Variants in PARP14 observed in about 807,000 individuals in gnomAD.
PARP14 encodes the protein protein mono-ADP-ribosyltransferase PARP14.
PARP14 carries 59 observed loss-of-function variants against 154.2 expected under a neutral mutation model. The ratio of observed to expected loss-of-function variants is 0.38; its 90% CI spans 0.31 to 0.48. PARP14 has a LOEUF of 0.48. Among genes scored for constraint, PARP14 ranks in the 20% least tolerant of loss-of-function variants. PARP14 has a pLI of 0.98. For synonymous variants in PARP14, 720 were observed against 780.5 expected (o/e 0.92, Z 1.29); for missense variants, 1,734 against 2,131.6 (o/e 0.81, Z 3.67).
intron 3 of PARP14, 88 bp from the exon 4 acceptor site, chr3:122,692,213 G>C (rs976086840): frequency 2.0e-5 from 21 of 1,072,458 alleles, no homozygotes; most frequent in Non-Finnish European, 2.5e-5. Context: ...GGCAAGGAGA[G>C]AGGGCAGTGC....
rs1182517666 is a variant in PARP14 at position 122,692,296 on chromosome 3, A to C, written c.356-5A>C. ...CTTGTACCTCTTTTGTCTTCCTAAA[A>C]TCAGATGTGTCAGAAGAATTGGATA... On this transcript the variant is annotated splice_region_variant and splice_polypyrimidine_tract_variant and intron_variant, in intron 3 of 16. Coordinates refer to ENST00000474629, the MANE Select transcript of PARP14 (RefSeq NM_017554.3). 6.2e-7 allele frequency: 1 copy of C among 1,608,908 alleles called. No individual in the cohort carries two copies. The highest frequency in any genetic ancestry group is 2.2e-5 in the East Asian group (1 of 44,760).
At position 122,700,016 on chromosome 3, in the gene PARP14, G is replaced by T. The variant is rs16833413; in HGVS notation, c.1462G>T (p.Asp488Tyr). ...TCTTTTGTGTCACAGCAGTCTACTG[G>T]ACCATTTACTCACGGAGTGCCCAGA... ...YFLLCHSSLL[D>Y]HLLTECPEIE... Residue 488 changes from aspartate (D) to tyrosine (Y), a missense_variant, in exon 6 of 17, where the codon GAC becomes TAC. Physicochemically the swap from Asp to Tyr is radical, Grantham distance 160. This residue lies in a region of PARP14 where 1,646 missense variants were observed against 1,976.0 expected (regional missense o/e 0.83). Coordinates refer to ENST00000474629, the MANE Select transcript of PARP14 (RefSeq NM_017554.3). The T allele has an allele frequency of 6.2e-7, 1 of 1,613,868 alleles. No homozygotes were observed. The highest frequency in any genetic ancestry group is 1.7e-5 in the Admixed American group (1 of 60,010).
At chr3:122,693,114 A>G (rs891013349) in intron 4 of PARP14, among the ~76,000 whole-genome samples, 1 of 152,072 alleles carries the variant, frequency 6.6e-6, no homozygotes, top group African/African-American at 2.4e-5. Context: ...GCATGGATGA[A>G]CTGGGTTTGA....
At chr3:122,722,003 C>T (rs1933177098) in intron 15 of PARP14, 2 of 152,106 alleles carry the variant, frequency 1.3e-5, no homozygotes, top group South Asian at 2.1e-4. Context: ...CCAATTTGTC[C>T]CTGAGCTTCC....
intron 9 of PARP14, among the ~76,000 whole-genome samples, chr3:122,711,548 T>C (rs1469197921): frequency 1.3e-5 from 2 of 152,146 alleles, no homozygotes; most frequent in African/African-American, 4.8e-5. Context: ...CTGTAGTTTT[T>C]TTTTGTTGTA....
chr3:122,709,022 G>T (rs1939242002), intron 9 of PARP14, among the ~76,000 whole-genome samples: 1 of 151,984 alleles, frequency 6.6e-6, no homozygotes. Flanking sequence ...ATTCTTTAAA[G>T]TTTGAACTTT....
chr3:122,703,642 G>A (rs907790673), intron 6 of PARP14, 100 bp from the exon 7 acceptor site: 2 of 648,788 alleles, frequency 3.1e-6, no homozygotes, highest in Non-Finnish European at 5.4e-6. Flanking sequence ...AGTCATCTTA[G>A]TTGTCTCCAA....
chr3:122,720,449 T>C, intron 15 of PARP14, 61 bp downstream of exon 15: 1 of 1,509,654 alleles, frequency 6.6e-7, no homozygotes, highest in Non-Finnish European at 9.1e-7. Context: ...CATGGTCCTA[T>C]ATAAAATCCA....
chr3:122,692,318 G>A lies in PARP14; in HGVS notation c.373G>A (p.Asp125Asn). 1 of 1,611,642 alleles carries A rather than the reference G, an allele frequency of 6.2e-7. No individual in the cohort carries two copies. The highest frequency in any genetic ancestry group is 8.5e-7 in the Non-Finnish European group (1 of 1,178,046). Residue 125 changes from aspartate to asparagine, a missense_variant, in exon 4 of 17, where the codon GAT (aspartate) becomes AAT (asparagine). Coordinates refer to ENST00000474629, the MANE Select transcript of PARP14 (RefSeq NM_017554.3). ...VKEPDVSEEL[D>N]TKLPLDGGLD... ...AAAATCAGATGTGTCAGAAGAATTG[G>A]ATACAAAACTCCCTCTTGATGGTGG... is the stretch of plus-strand genomic sequence containing the variant.
chr3:122,692,529 T>G lies in PARP14; in HGVS notation c.584T>G (p.Phe195Cys), dbSNP rs749282866. The part of the protein sequence containing the change: ...IRDFDVAVVT[F>C]QKHIDTIRFV... ...GATTTTGATGTTGCTGTTGTTACCT[T>G]TCAAAAGCACATAGGTAAGATGAAG... Residue 195 changes from phenylalanine to cysteine, a missense_variant, in exon 4 of 17, where the codon TTT becomes TGT. By Grantham distance (205) the Phe-to-Cys change is radical. Around this residue, in one of 2 missense-constraint regions of PARP14, gnomAD observed 1,646 missense variants for 1,976.0 expected, o/e 0.83. Transcript: ENST00000474629. 1.4e-5 allele frequency: 22 copies of G among 1,610,316 alleles called. No individual in the cohort carries two copies. The highest frequency in any genetic ancestry group is 1.9e-5 in the Non-Finnish European group (22 of 1,177,038).
intron 15 of PARP14, among the ~76,000 whole-genome samples, chr3:122,724,684 G>A (rs1933245591): frequency 6.6e-6 from 1 of 150,810 alleles, no homozygotes; most frequent in South Asian, 2.1e-4. Context: ...ATCATTCTTG[G>A]GTGTTTCTTG....
chr3:122,686,883 C>T (rs371553767), intron 2 of PARP14, 197 bp from the exon 3 acceptor site: 8 of 522,798 alleles, frequency 1.5e-5, no homozygotes, highest in East Asian at 1.2e-4. Context: ...TGTGTCTCAT[C>T]TTCATTGGTG....
intron 15 of PARP14, among the ~76,000 whole-genome samples, chr3:122,724,402 A>G (rs1260424434): frequency 6.6e-6 from 1 of 151,142 alleles, no homozygotes; most frequent in African/African-American, 2.4e-5. Flanking sequence ...GGGCTCAAGC[A>G]ATCCTCCCCA....
chr3:122,686,865 C>A lies in PARP14; in HGVS notation c.322-215C>A. ...AAATGCTTGGTGTTAATTGAGGTTT[C>A]TGTTATTTGTGTCTCATCTTCATTG... On this transcript the variant is annotated intron_variant, in intron 2 of 16. Transcript: ENST00000474629. The A allele has an allele frequency of 7.9e-6, 4 of 508,834 alleles. No homozygotes were observed. The East Asian group carries it at 1.3e-4, about 16-fold the overall frequency. The allele number at this position is 508,834 out of a possible 1,614,324, so 31.5% of individuals were successfully genotyped here.
In PARP14 at chr3:122,727,919, G is replaced by A; in HGVS notation, c.5049G>A (p.Gly1683=). 2 of 1,613,908 alleles carry A rather than the reference G, an allele frequency of 1.2e-6. No homozygotes were observed. The highest frequency in any genetic ancestry group is 1.7e-6 in the Non-Finnish European group (2 of 1,179,788). The change falls in exon 16 of 17, where the codon GGG becomes GGA. Residue 1683 remains glycine, a synonymous_variant. Coordinates refer to ENST00000474629, the MANE Select transcript of PARP14 (RefSeq NM_017554.3). ...QTMNEKQLFH[G]TDAGSVPHVN... ...TGAATGAGAAGCAACTCTTCCATGG[G>A]ACAGATGCCGGCTCCGTGCCACACG...
At position 122,729,371 on chromosome 3, in the gene PARP14, T is replaced by C. The variant is rs1933364315; in HGVS notation, c.*774T>C. 1 of 152,450 alleles carries C rather than the reference T, an allele frequency of 6.6e-6. No individual in the cohort carries two copies. The highest frequency in any genetic ancestry group is 1.5e-5 in the Non-Finnish European group (1 of 68,536). The allele number at this position is 152,450 out of a possible 1,614,324, so 9.4% of individuals were successfully genotyped here. On this transcript the variant is annotated 3_prime_UTR_variant, in exon 17 of 17. Transcript: ENST00000474629. ...GGGAATCCTGCCTGCCCCATGGAGT[T>C]GCGCAGCACAACCCTGGCTCCAATT...
chr3:122,703,922 T>G lies in PARP14; in HGVS notation c.3262T>G (p.Tyr1088Asp), dbSNP rs776895236. The change falls in exon 7 of 17, where the codon TAT becomes GAT. Residue 1088 changes from tyrosine (Y) to aspartate (D), a missense_variant. Around this residue, in one of 2 missense-constraint regions of PARP14, gnomAD observed 1,646 missense variants for 1,976.0 expected, o/e 0.83. Coordinates refer to ENST00000474629, the MANE Select transcript of PARP14 (RefSeq NM_017554.3). The stretch of plus-strand genomic sequence containing the variant: ...CAGCAGCTGGAATCTGGACTGTCGC[T>G]ATGTGCTTCACGTGGTAGCTCCGGA... ...KTSSWNLDCRYVLHVVAPEWR... is the reference protein window; with the variant it reads ...KTSSWNLDCRDVLHVVAPEWR... 3 of 1,613,886 alleles carry G rather than the reference T, an allele frequency of 1.9e-6. No individual in the cohort carries two copies. In the South Asian group the frequency reaches 3.3e-5, roughly 18 times the overall value.
chr3:122,695,552 A>G lies in PARP14; in HGVS notation c.725A>G (p.Tyr242Cys). ...VENLPPGADD[Y>C]SLKLFFENPY... ...AACCTGCCACCTGGTGCTGATGACTACAGTTTAAAACTTTTCTTTGAAAAT... is the reference window on the plus strand; with the variant it reads ...AACCTGCCACCTGGTGCTGATGACTGCAGTTTAAAACTTTTCTTTGAAAAT... Residue 242 changes from tyrosine to cysteine, a missense_variant, in exon 5 of 17, where the codon TAC (tyrosine) becomes TGC (cysteine). Tyr to Cys is a radical substitution (Grantham distance 194). Coordinates refer to ENST00000474629, the MANE Select transcript of PARP14 (RefSeq NM_017554.3). The G allele has an allele frequency of 1.9e-6, 3 of 1,608,106 alleles. No homozygotes were observed. The highest frequency in any genetic ancestry group is 2.6e-6 in the Non-Finnish European group (3 of 1,175,104).
At chr3:122,703,697 G>C (rs1279667425) in intron 6 of PARP14, 45 bp from the exon 7 acceptor site, 5 of 1,192,934 alleles carry the variant, frequency 4.2e-6, no homozygotes, top group Non-Finnish European at 5.9e-6. Context: ...ATTGATGAAT[G>C]CTTTTTGTTA....
Sources: gnomAD v4.1 joint callset for allele counts (sites outside exome capture counted in the v4.1 genomes callset) on GRCh38, gnomAD v4.1.1 for gene constraint, gnomAD v4.1.1 regional missense constraint, MANE v1.5 for transcripts, NCBI Gene and HGNC (gene_info 2026-07-23, HGNC 2026-07-21) for gene names.